Variants in MAGI2 observed in about 807,000 individuals in gnomAD.
MAGI2 encodes membrane-associated guanylate kinase, WW and PDZ domain-containing protein 2.
Under a neutral mutation model 133.3 loss-of-function variants are expected in MAGI2, and 35 were observed. That is an observed-to-expected ratio of 0.26 (90% confidence interval 0.20 to 0.35). The LOEUF is 0.35. MAGI2 is among the 10% of genes least tolerant of loss of function. The pLI is 1.00. For synonymous variants in MAGI2, 729 were observed against 710.6 expected, an observed-to-expected ratio of 1.03 and a Z score of -0.41; for missense variants, 1,636 against 1,863.4, an observed-to-expected ratio of 0.88 and a Z score of 2.25.
intron 2 of MAGI2, among the ~76,000 whole-genome samples, chr7:78,745,520 T>C (rs901905249): frequency 8.6e-5 from 13 of 151,948 alleles, no homozygotes; most frequent in African/African-American, 3.1e-4. Context: ...TGAAATATAG[T>C]TGATCTTGAT....
At chr7:79,003,968 T>C (rs1269711833) in intron 2 of MAGI2, among the ~76,000 whole-genome samples, 1 of 152,154 alleles carries the variant, frequency 6.6e-6, no homozygotes, top group Non-Finnish European at 1.5e-5. Flanking sequence ...CTGGTGAGGA[T>C]GCAGGGAAAA....
At chr7:78,440,780 C>T (rs1584131329) in intron 6 of MAGI2, among the ~76,000 whole-genome samples, 2 of 135,128 alleles carry the variant, frequency 1.5e-5, no homozygotes, top group African/African-American at 5.0e-5. Flanking sequence ...AGTGAAACCC[C>T]GCCTCTACTA....
At chr7:78,419,605 T>C (rs1232171381) in intron 6 of MAGI2, among the ~76,000 whole-genome samples, 3 of 7,170 alleles carry the variant, frequency 4.2e-4, no homozygotes, top group African/African-American at 1.1e-3. Flanking sequence ...CAGTGATTTT[T>C]TTTTTTTTTT....
At chr7:79,435,636 C>G (rs796300942) in intron 1 of MAGI2, among the ~76,000 whole-genome samples, 20 of 152,124 alleles carry the variant, frequency 1.3e-4, no homozygotes, top group African/African-American at 4.6e-4. Flanking sequence ...GTTTTTTATT[C>G]CATGCTCGTG....
At chr7:79,411,993 C>T (rs1399360537) in intron 1 of MAGI2, 2 of 151,816 alleles carry the variant, frequency 1.3e-5, no homozygotes, top group Non-Finnish European at 2.9e-5. Flanking sequence ...TTCAGTTAAT[C>T]AGGGTCATTT....
At chr7:78,631,140 C>A (rs1376279177) in intron 2 of MAGI2, among the ~76,000 whole-genome samples, 1 of 152,220 alleles carries the variant, frequency 6.6e-6, no homozygotes, top group African/African-American at 2.4e-5. Flanking sequence ...AGTGGCAAAT[C>A]TGACAGCATT....
intron 1 of MAGI2, among the ~76,000 whole-genome samples, chr7:79,087,104 TAAAAA>T (rs1420815729): frequency 6.6e-6 from 1 of 151,706 alleles, no homozygotes; most frequent in Middle Eastern, 3.2e-3. Context: ...CCTTCATAAA[TAAAAA>T]GAAAAGAAAA....
At chr7:78,453,987 G>T (rs1166197794) in intron 6 of MAGI2, among the ~76,000 whole-genome samples, 1 of 152,006 alleles carries the variant, frequency 6.6e-6, no homozygotes, top group Non-Finnish European at 1.5e-5. Flanking sequence ...ATAAAATCGG[G>T]ATAATTGGGA....
chr7:78,734,343 T>A (rs2151233728), intron 2 of MAGI2, among the ~76,000 whole-genome samples: 1 of 152,288 alleles, frequency 6.6e-6, no homozygotes, highest in South Asian at 2.1e-4. Flanking sequence ...AGCCTCTGAA[T>A]GGACCAAATT....
chr7:78,757,305 T>TTCTCTCTCTCTCTC (rs3086250), intron 2 of MAGI2, among the ~76,000 whole-genome samples: 5,320 of 145,232 alleles, frequency 0.037, 136 homozygotes, highest in Non-Finnish European at 0.058. Context: ...TTCTCCCTCC[T>TTCTCTCTCTCTCTC]TCTCTCTCTC....
chr7:78,383,809 C>T (rs1289022149), intron 6 of MAGI2, among the ~76,000 whole-genome samples: 1 of 152,042 alleles, frequency 6.6e-6, no homozygotes, highest in Non-Finnish European at 1.5e-5. Flanking sequence ...TTTCATTCTT[C>T]TGCACACGAC....
At chr7:78,274,975 C>T (rs996422804) in intron 9 of MAGI2, among the ~76,000 whole-genome samples, 1 of 150,486 alleles carries the variant, frequency 6.6e-6, no homozygotes, top group Admixed American at 6.7e-5. Flanking sequence ...GCTGGTGTTC[C>T]ACGTTCCACT....
At chr7:79,225,082 T>C (rs1029360237) in intron 1 of MAGI2, among the ~76,000 whole-genome samples, 4 of 152,230 alleles carry the variant, frequency 2.6e-5, no homozygotes, top group Non-Finnish European at 5.9e-5. Context: ...TGCTTACCTT[T>C]AAGACCTCAA....
At chr7:78,840,567 G>A (rs144783743) in intron 2 of MAGI2, among the ~76,000 whole-genome samples, 157 of 152,096 alleles carry the variant, frequency 1.0e-3, no homozygotes, top group Non-Finnish European at 1.6e-3. Flanking sequence ...TTAGAGAAAT[G>A]TTTTCAGCTG....
At chr7:78,321,808 G>T (rs1048427774) in intron 9 of MAGI2, among the ~76,000 whole-genome samples, 1 of 152,076 alleles carries the variant, frequency 6.6e-6, no homozygotes, top group African/African-American at 2.4e-5. Context: ...CACTGCAAAA[G>T]AAATTATCAT....
Position 78,256,090 on chromosome 7 carries a change from T to C in MAGI2, c.1900A>G (p.Ile634Val). ...TGQRVKQILD[I>V]QGCPGLCEGD... The stretch of plus-strand genomic sequence containing the variant: ...TCACACAGGCCAGGGCATCCCTGAA[T>C]GTCAAGTATTTGTTTCACCCGCTGT... The change falls in exon 10 of 22, where the codon ATT becomes GTT. Residue 634 changes from isoleucine to valine, a missense_variant. Coordinates refer to ENST00000354212, the MANE Select transcript of MAGI2 (RefSeq NM_012301.4). 6.2e-7 allele frequency: 1 copy of C among 1,613,772 alleles called. No individual in the cohort carries two copies. The highest frequency in any genetic ancestry group is 8.5e-7 in the Non-Finnish European group (1 of 1,179,902).
In MAGI2 at chr7:78,501,425, C is replaced by A. The variant is rs1483614647; in HGVS notation, c.965+152G>T. 3 of 651,826 alleles carry A rather than the reference C, an allele frequency of 4.6e-6. No homozygotes were observed. The African/African-American group carries it at 5.5e-5, about 12-fold the overall frequency. 40.4% of individuals were successfully genotyped at this position (651,826 alleles called of 1,614,324 possible). ...TCTAGGAGGCTTAACTGTATTAAGGCACTATCCCACTATTCTCTCACAAAT... is the reference window on the plus strand; with the variant it reads ...TCTAGGAGGCTTAACTGTATTAAGGAACTATCCCACTATTCTCTCACAAAT... On this transcript the variant is annotated intron_variant, in intron 5 of 21. Transcript: ENST00000354212.
intron 10 of MAGI2, among the ~76,000 whole-genome samples, chr7:78,209,073 T>C (rs1157407637): frequency 7.2e-6 from 1 of 138,036 alleles, no homozygotes; most frequent in East Asian, 2.3e-4. Context: ...ATACAAAAAA[T>C]TAGCCGGGCG....
At chr7:78,832,564 G>A (rs4727761) in intron 2 of MAGI2, among the ~76,000 whole-genome samples, 17,146 of 152,104 alleles carry the variant, frequency 0.11, 1,072 homozygotes, top group East Asian at 0.22. Context: ...TGAAAATCTG[G>A]CCCATATGAA....
Sources: gnomAD v4.1 joint callset for allele counts (sites outside exome capture counted in the v4.1 genomes callset) on GRCh38, gnomAD v4.1.1 for gene constraint, MANE v1.5 for transcripts, NCBI Gene and HGNC (gene_info 2026-07-23, HGNC 2026-07-21) for gene names.